Variants in DENND6A observed in about 807,000 individuals in gnomAD.
DENND6A encodes DENN domain containing 6A.
A neutral mutation model predicts 95.5 loss-of-function variants in DENND6A; 43 were observed. That is an observed-to-expected ratio of 0.45 (90% CI 0.35 to 0.58). DENND6A has a LOEUF of 0.58. Among genes scored for constraint, DENND6A ranks in the 20% least tolerant of loss-of-function variants. The pLI, the probability that DENND6A is intolerant of heterozygous loss-of-function variation, is 0.00. For missense variants in DENND6A, 574 were observed against 736.0 expected, an observed-to-expected ratio of 0.78 and a Z score of 2.55; for synonymous variants, 257 against 260.4, an observed-to-expected ratio of 0.99 and a Z score of 0.13.
At chr3:57,663,081 G>A (rs1422851702) in intron 5 of DENND6A, among the ~76,000 whole-genome samples, 1 of 144,774 alleles carries the variant, frequency 6.9e-6, no homozygotes, top group Admixed American at 7.0e-5. Context: ...AACCTGGGAG[G>A]CAGAAGTTGC....
intron 7 of DENND6A, among the ~76,000 whole-genome samples, chr3:57,659,888 A>C (rs1391021726): frequency 6.6e-6 from 1 of 152,186 alleles, no homozygotes; most frequent in African/African-American, 2.4e-5. Flanking sequence ...CAATTCTACC[A>C]AGTAATCTGT....
intron 1 of DENND6A, 109 bp from the exon 2 acceptor site, chr3:57,672,547 C>T: frequency 8.8e-7 from 1 of 1,130,854 alleles, no homozygotes; most frequent in Non-Finnish European, 1.3e-6. Context: ...CTTTGGGAGC[C>T]CAAGGCAGGC....
chr3:57,657,850 C>A (rs2071357187), intron 8 of DENND6A, 115 bp from the exon 9 acceptor site: 3 of 612,506 alleles, frequency 4.9e-6, no homozygotes, highest in Admixed American at 3.3e-5. Context: ...TTTTAAGATT[C>A]TCTTCCTTTA....
At chr3:57,663,038 C>T (rs953205985) in intron 5 of DENND6A, among the ~76,000 whole-genome samples, 3 of 148,736 alleles carry the variant, frequency 2.0e-5, no homozygotes, top group South Asian at 2.1e-4. Context: ...CCCAGCTACT[C>T]GGGAATACAG....
chr3:57,654,106 C>G (rs2071272280), intron 9 of DENND6A, among the ~76,000 whole-genome samples: 1 of 150,292 alleles, frequency 6.7e-6, no homozygotes, highest in South Asian at 2.1e-4. Flanking sequence ...CGCCACCACG[C>G]CCGGCTAATT....
chr3:57,682,677 T>A (rs545088365), intron 1 of DENND6A, among the ~76,000 whole-genome samples: 25 of 152,130 alleles, frequency 1.6e-4, no homozygotes, highest in Non-Finnish European at 2.6e-4. Context: ...TGGTTTTTTT[T>A]GTTTTGTTTT....
chr3:57,664,973 G>A (rs936646288), intron 4 of DENND6A, among the ~76,000 whole-genome samples: 9 of 152,326 alleles, frequency 5.9e-5, no homozygotes, highest in African/African-American at 2.2e-4. Context: ...ATTGAAGGAT[G>A]AATATGACTT....
chr3:57,630,204 A>G (rs1251277847), intron 18 of DENND6A: 16 of 465,184 alleles, frequency 3.4e-5, no homozygotes, highest in Middle Eastern at 5.6e-4. Flanking sequence ...GATGCAGTTC[A>G]TAACACACCT....
intron 14 of DENND6A, among the ~76,000 whole-genome samples, chr3:57,633,952 C>T (rs969748776): frequency 3.4e-4 from 51 of 151,652 alleles, no homozygotes; most frequent in African/African-American, 1.2e-3. Flanking sequence ...CTATACTATA[C>T]TATTTACATT....
At chr3:57,684,757 T>C (rs986421403) in intron 1 of DENND6A, among the ~76,000 whole-genome samples, 4 of 152,176 alleles carry the variant, frequency 2.6e-5, no homozygotes, top group Admixed American at 2.6e-4. Context: ...AGCATGACCC[T>C]GTCTCAAATA....
chr3:57,660,426 C>G (rs1212952224), intron 7 of DENND6A, among the ~76,000 whole-genome samples: 1 of 152,098 alleles, frequency 6.6e-6, no homozygotes, highest in East Asian at 1.9e-4. Context: ...AGGGATCCAC[C>G]CGCCTCGGCC....
At position 57,681,347 on chromosome 3, in the gene DENND6A, C is replaced by T. The variant is rs532337333; in HGVS notation, c.238-8909G>A. Among the ~76,000 whole-genome samples, 4 of 152,126 alleles carry T rather than the reference C, an allele frequency of 2.6e-5. No individual in the cohort carries two copies. The South Asian group carries it at 6.2e-4, about 24-fold the overall frequency. On this transcript the variant is annotated intron_variant, in intron 1 of 19. Transcript: ENST00000311128. ...GGCGTGGTGGCGGGCACCTGTAGTCCCAGCTACTCGGGAGGCTAAGGCAGG... is the reference window on the plus strand; with the variant it reads ...GGCGTGGTGGCGGGCACCTGTAGTCTCAGCTACTCGGGAGGCTAAGGCAGG...
chr3:57,679,809 G>A (rs1011009167), intron 1 of DENND6A, among the ~76,000 whole-genome samples: 1 of 152,188 alleles, frequency 6.6e-6, no homozygotes, highest in Non-Finnish European at 1.5e-5. Context: ...AACCTTGAAT[G>A]AGTCAAAAAT....
At chr3:57,690,029 G>A (rs1168734053) in intron 1 of DENND6A, among the ~76,000 whole-genome samples, 5 of 145,838 alleles carry the variant, frequency 3.4e-5, no homozygotes, top group Non-Finnish European at 7.5e-5. Context: ...CCAATCTGAG[G>A]CAGACCATGT....
chr3:57,681,714 T>C (rs2077167877), intron 1 of DENND6A, among the ~76,000 whole-genome samples: 1 of 151,336 alleles, frequency 6.6e-6, no homozygotes, highest in African/African-American at 2.4e-5. Context: ...GATATATCCA[T>C]ACAATGGTAT....
At chr3:57,671,023 G>GA (rs1309528934) in intron 3 of DENND6A, among the ~76,000 whole-genome samples, 4 of 152,082 alleles carry the variant, frequency 2.6e-5, no homozygotes, top group Non-Finnish European at 4.4e-5. Context: ...TTCCAGGTCA[G>GA]AAAAAACCCC....
At chr3:57,672,360 A>G in intron 2 of DENND6A, 40 bp downstream of exon 2, 1 of 1,610,898 alleles carries the variant, frequency 6.2e-7, no homozygotes, top group Non-Finnish European at 8.5e-7. Context: ...AACAAACAGA[A>G]ATATAACAGT....
At chr3:57,677,168 G>C (rs2071724451) in intron 1 of DENND6A, among the ~76,000 whole-genome samples, 1 of 152,016 alleles carries the variant, frequency 6.6e-6, no homozygotes, top group African/African-American at 2.4e-5. Flanking sequence ...AACACTATTT[G>C]CTCCAAACAA....
At chr3:57,650,599 G>A (rs1212708729) in intron 9 of DENND6A, among the ~76,000 whole-genome samples, 1 of 152,010 alleles carries the variant, frequency 6.6e-6, no homozygotes, top group Non-Finnish European at 1.5e-5. Flanking sequence ...AGAAATGGCT[G>A]GTTCTAGGGC....
Sources: allele counts gnomAD v4.1 joint callset (sites outside exome capture counted in the v4.1 genomes callset), GRCh38; gene constraint gnomAD v4.1.1; transcripts MANE v1.5; gene names NCBI Gene and HGNC (gene_info 2026-07-23, HGNC 2026-07-21).